The following ARHGEF3 variants were observed in gnomAD, a reference collection of about 807,000 sequenced individuals.
ARHGEF3 encodes the protein 59.8 kDA protein.
Under a neutral mutation model 63.2 loss-of-function variants are expected in ARHGEF3, and 28 were observed. The ratio of observed to expected loss-of-function variants is 0.44; its 90% CI spans 0.33 to 0.61. The LOEUF is 0.61. ARHGEF3 is among the 20% of genes least tolerant of loss of function. The probability of loss-of-function intolerance (pLI) is 0.03; values close to 1 mark genes in which losing one functional copy is unlikely to be tolerated. For synonymous variants in ARHGEF3, 266 were observed against 254.2 expected, an observed-to-expected ratio of 1.05 and a Z score of -0.44; for missense variants, 533 against 659.3, an observed-to-expected ratio of 0.81 and a Z score of 2.10.
intron 2 of ARHGEF3, among the ~76,000 whole-genome samples, chr3:56,756,738 A>G (rs1024475095): frequency 6.6e-6 from 1 of 151,892 alleles, no homozygotes; most frequent in Admixed American, 6.6e-5. Flanking sequence ...TTCAGTAGAG[A>G]CAGGGTTTCA....
intron 3 of ARHGEF3, among the ~76,000 whole-genome samples, chr3:56,918,029 T>C (rs1369692157): frequency 1.3e-5 from 2 of 152,160 alleles, no homozygotes; most frequent in Non-Finnish European, 2.9e-5. Context: ...AAAGCCTGAC[T>C]CCCCACAAAG....
At position 56,729,113 on chromosome 3, in the gene ARHGEF3, C is replaced by T. The variant is rs1369260891; in HGVS notation, c.*157G>A. 46 of 639,118 alleles carry T rather than the reference C, an allele frequency of 7.2e-5. No individual in the cohort carries two copies. Among genetic ancestry groups the T allele is most frequent in the Admixed American group, 2.8e-4 (9 of 32,238 alleles). The allele number at this position is 639,118 out of a possible 1,614,324, so 39.6% of individuals were successfully genotyped here. A position where few individuals can be genotyped will look rare whatever the true frequency, so the allele number is the denominator to read the frequency against. Reference sequence around the variant, plus strand: ...GCTTACACAGACAGATTGGCAGTTACAGTACTAGGGACAAAGGTACAGATA... The same window carrying T: ...GCTTACACAGACAGATTGGCAGTTATAGTACTAGGGACAAAGGTACAGATA... On this transcript the variant is annotated 3_prime_UTR_variant, in exon 10 of 10. Coordinates refer to ENST00000296315, the MANE Select transcript of ARHGEF3 (RefSeq NM_019555.3).
chr3:56,892,240 C>A (rs9823651), intron 3 of ARHGEF3, among the ~76,000 whole-genome samples: 6,416 of 152,076 alleles, frequency 0.042, 462 homozygotes, highest in African/African-American at 0.14. Context: ...AATATATTTT[C>A]CAGAAAAATT....
chr3:56,859,049 T>C (rs1484255143), intron 4 of ARHGEF3, among the ~76,000 whole-genome samples: 3 of 152,130 alleles, frequency 2.0e-5, no homozygotes, highest in African/African-American at 7.2e-5. Context: ...GGCAGGGAGA[T>C]TATGGGAGTG....
chr3:56,798,289 A>G (rs1019443998), intron 1 of ARHGEF3, among the ~76,000 whole-genome samples: 3 of 152,248 alleles, frequency 2.0e-5, no homozygotes, highest in African/African-American at 7.2e-5. Context: ...AGTCAAAAGC[A>G]ATGGCTACAA....
chr3:56,949,702 T>C (rs1699704041), intron 3 of ARHGEF3, among the ~76,000 whole-genome samples: 1 of 152,036 alleles, frequency 6.6e-6, no homozygotes, highest in Non-Finnish European at 1.5e-5. Flanking sequence ...ATGGCCATAC[T>C]GCCCAAGGTA....
intron 1 of ARHGEF3, among the ~76,000 whole-genome samples, chr3:56,778,187 G>A (rs1285306081): frequency 6.6e-6 from 1 of 152,212 alleles, no homozygotes; most frequent in African/African-American, 2.4e-5. Flanking sequence ...ACTCAGCTCA[G>A]TGCTTTACAT....
intron 3 of ARHGEF3, among the ~76,000 whole-genome samples, chr3:56,914,354 T>C (rs1226559949): frequency 6.6e-6 from 1 of 152,164 alleles, no homozygotes; most frequent in Admixed American, 6.5e-5. Context: ...AGCTAAAACA[T>C]GAAAGCAACC....
intron 3 of ARHGEF3, among the ~76,000 whole-genome samples, chr3:56,885,469 T>C (rs1042721146): frequency 6.6e-6 from 1 of 152,194 alleles, no homozygotes; most frequent in Non-Finnish European, 1.5e-5. Context: ...TTGAGTTTTA[T>C]GGTGCTACAG....
intron 1 of ARHGEF3, among the ~76,000 whole-genome samples, chr3:57,036,418 G>A (rs1447645556): frequency 6.6e-6 from 1 of 152,110 alleles, no homozygotes; most frequent in Non-Finnish European, 1.5e-5. Flanking sequence ...GAGAGACAGA[G>A]ACAGTGTGCA....
chr3:56,810,533 A>AAAAAG (rs376288309), intron 4 of ARHGEF3, among the ~76,000 whole-genome samples: 112 of 152,314 alleles, frequency 7.4e-4, no homozygotes, highest in African/African-American at 2.2e-3. Flanking sequence ...TCTCAAAAAC[A>AAAAAG]AAAAGAAAAG....
chr3:57,054,510 T>C (rs1288051440), intron 1 of ARHGEF3, among the ~76,000 whole-genome samples: 2 of 149,896 alleles, frequency 1.3e-5, no homozygotes, highest in East Asian at 4.0e-4. Context: ...TGATGGTGCA[T>C]GCCTGTGGTA....
chr3:56,740,100 A>C (rs1408163029), intron 7 of ARHGEF3, among the ~76,000 whole-genome samples: 1 of 151,732 alleles, frequency 6.6e-6, no homozygotes, highest in Non-Finnish European at 1.5e-5. Flanking sequence ...GGCTTTCTCC[A>C]TGTTGGCCAG....
At chr3:56,838,678 A>C (rs1484879598) in intron 4 of ARHGEF3, among the ~76,000 whole-genome samples, 3 of 152,188 alleles carry the variant, frequency 2.0e-5, no homozygotes, top group Non-Finnish European at 4.4e-5. Context: ...CTTAGTAATG[A>C]GAGGGGAGCT....
At chr3:56,966,147 G>T (rs1700485856) in intron 2 of ARHGEF3, among the ~76,000 whole-genome samples, 1 of 152,200 alleles carries the variant, frequency 6.6e-6, no homozygotes, top group South Asian at 2.1e-4. Flanking sequence ...CAGATGTTAA[G>T]ACTATTTCAA....
chr3:56,868,357 G>GT (rs2040324681), intron 4 of ARHGEF3, among the ~76,000 whole-genome samples: 2 of 136,902 alleles, frequency 1.5e-5, no homozygotes, highest in African/African-American at 5.3e-5. Context: ...TTCTTTTTTT[G>GT]TTTGTTTTTT....
chr3:56,836,938 A>G (rs1309945048), intron 4 of ARHGEF3, among the ~76,000 whole-genome samples: 1 of 152,132 alleles, frequency 6.6e-6, no homozygotes, highest in Non-Finnish European at 1.5e-5. Context: ...AAACAAAACA[A>G]AAAGTCACTG....
At chr3:56,989,124 A>G (rs1021526469) in intron 2 of ARHGEF3, among the ~76,000 whole-genome samples, 1 of 152,220 alleles carries the variant, frequency 6.6e-6, no homozygotes. Context: ...TACTTCGTCC[A>G]TGCCTCCCGG....
rs560460563 is a variant in ARHGEF3, at chr3:56,918,592, C to CA, written c.130-36239dup. Among the ~76,000 whole-genome samples, 101 of 152,252 alleles carry CA rather than the reference C, an allele frequency of 6.6e-4. No homozygotes were observed. The East Asian group carries it at 0.011, about 17-fold the overall frequency. On this transcript the variant is annotated intron_variant, in intron 3 of 12. Transcript: ENST00000338458. ...GGGATGCAAGCCTGCAAAAAGGAAG[C>CA]AAAAACAGGGCACGGCCGTCTCCTC...
Sources: allele counts gnomAD v4.1 joint callset (sites outside exome capture counted in the v4.1 genomes callset), GRCh38; gene constraint gnomAD v4.1.1; transcripts MANE v1.5; gene names NCBI Gene and HGNC (gene_info 2026-07-23, HGNC 2026-07-21).